The following CNTNAP5 variants were observed in gnomAD, a reference collection of about 807,000 sequenced individuals.
The protein encoded by CNTNAP5 is contactin-associated protein-like 5.
CNTNAP5 carries 72 observed loss-of-function variants against 150.2 expected under a neutral mutation model. The observed-to-expected ratio is 0.48, with a 90% CI of 0.40 to 0.58. The LOEUF is 0.58. Ranked by LOEUF, CNTNAP5 falls within the 20% of genes least tolerant of loss-of-function variation. CNTNAP5 has a pLI of 0.00. For missense variants in CNTNAP5, 1,636 were observed against 1,626.2 expected (o/e 1.01, Z -0.10); for synonymous variants, 672 against 619.8 (o/e 1.08, Z -1.25).
At chr2:124,904,535 G>A (rs1678488017) in intron 22 of CNTNAP5, among the ~76,000 whole-genome samples, 1 of 151,754 alleles carries the variant, frequency 6.6e-6, no homozygotes, top group Admixed American at 6.6e-5. Context: ...CAGACACATA[G>A]ACTAATAGAA....
intron 3 of CNTNAP5, among the ~76,000 whole-genome samples, chr2:124,322,930 G>T (rs1266614739): frequency 2.0e-5 from 3 of 152,140 alleles, no homozygotes; most frequent in African/African-American, 7.2e-5. Flanking sequence ...AATGTGCTCT[G>T]TTCTGTAATA....
At chr2:124,272,740 G>T (rs1022959620) in intron 3 of CNTNAP5, among the ~76,000 whole-genome samples, 29 of 152,094 alleles carry the variant, frequency 1.9e-4, no homozygotes, top group African/African-American at 6.5e-4. Context: ...CTGTTGAAAT[G>T]ATTAAATGTG....
chr2:124,292,183 T>C (rs1014748816), intron 3 of CNTNAP5, among the ~76,000 whole-genome samples: 2 of 152,076 alleles, frequency 1.3e-5, no homozygotes, highest in Middle Eastern at 3.2e-3. Context: ...TTTAGTTTTA[T>C]CTCTCTTTTT....
chr2:124,157,490 ATTCCATCTTTATGG>A (rs972607525), intron 1 of CNTNAP5, among the ~76,000 whole-genome samples: 2 of 152,132 alleles, frequency 1.3e-5, no homozygotes, highest in African/African-American at 4.8e-5. Context: ...CTTTTTCAGT[ATTCCATCTTTATGG>A]TTCCTTTACT....
chr2:124,911,325 T>C, intron 22 of CNTNAP5, 142 bp from the exon 23 acceptor site: 1 of 640,990 alleles, frequency 1.6e-6, no homozygotes, highest in South Asian at 1.8e-5. Context: ...GTTTTTTGAG[T>C]TCCTTGCAAC....
chr2:124,408,608 C>A (rs1231248759), intron 3 of CNTNAP5, among the ~76,000 whole-genome samples: 1 of 151,822 alleles, frequency 6.6e-6, no homozygotes, highest in African/African-American at 2.4e-5. Context: ...TGGGAGGCAC[C>A]CCCCAGCAGG....
At chr2:124,609,437 T>A (rs1432413600) in intron 11 of CNTNAP5, among the ~76,000 whole-genome samples, 2 of 152,108 alleles carry the variant, frequency 1.3e-5, no homozygotes, top group Non-Finnish European at 2.9e-5. Context: ...AACATTTTTT[T>A]AAAAAAATTA....
At chr2:124,379,393 T>C (rs1427555789) in intron 3 of CNTNAP5, among the ~76,000 whole-genome samples, 1 of 152,124 alleles carries the variant, frequency 6.6e-6, no homozygotes, top group East Asian at 1.9e-4. Flanking sequence ...CATAGTTTTG[T>C]CTTTTTCATA....
intron 21 of CNTNAP5, among the ~76,000 whole-genome samples, chr2:124,892,098 C>A (rs1339525398): frequency 2.0e-5 from 3 of 152,124 alleles, no homozygotes; most frequent in Admixed American, 6.6e-5. Flanking sequence ...AGATACCAAC[C>A]TTGGACTGCC....
chr2:124,713,246 T>TTTC, intron 13 of CNTNAP5, among the ~76,000 whole-genome samples: 4 of 66,490 alleles, frequency 6.0e-5, no homozygotes, highest in Admixed American at 2.9e-4. Context: ...TTTCTTTCTC[T>TTTC]TTCTTTCTTT....
intron 1 of CNTNAP5, among the ~76,000 whole-genome samples, chr2:124,131,827 C>T (rs981376222): frequency 6.6e-6 from 1 of 152,106 alleles, no homozygotes; most frequent in African/African-American, 2.4e-5. Flanking sequence ...GAAATAGGCC[C>T]CTTCTCTTAT....
chr2:124,771,428 C>T (rs1681189515), intron 16 of CNTNAP5, among the ~76,000 whole-genome samples: 3 of 152,238 alleles, frequency 2.0e-5, no homozygotes, highest in African/African-American at 7.2e-5. Flanking sequence ...GTGAAGAACC[C>T]TGCCTGTGGA....
Position 124,681,827 on chromosome 2 carries a change from G to C in CNTNAP5, c.2077+33869G>C, listed in dbSNP as rs1044917552. ...TCTGCCCGCCTCGGCCTTCCTAATT[G>C]CTGGGATTGCAGGCATGAACCACCA... On this transcript the variant is annotated intron_variant, in intron 13 of 23. Transcript: ENST00000682447. Among the ~76,000 whole-genome samples the C allele has an allele frequency of 2.0e-5, 3 of 152,132 alleles. No individual in the cohort carries two copies. The South Asian group carries it at 6.2e-4, about 32-fold the overall frequency.
chr2:124,319,460 A>G (rs550596479), intron 3 of CNTNAP5, among the ~76,000 whole-genome samples: 9 of 152,318 alleles, frequency 5.9e-5, no homozygotes, highest in African/African-American at 2.2e-4. Flanking sequence ...GTTGAAAATA[A>G]GTACCTGATT....
chr2:124,892,878 A>G (rs1374661536), intron 21 of CNTNAP5, among the ~76,000 whole-genome samples: 1 of 152,138 alleles, frequency 6.6e-6, no homozygotes, highest in Non-Finnish European at 1.5e-5. Context: ...CTTTTAAAAT[A>G]TAAATATGCT....
rs1031241630 is a variant in CNTNAP5, at chr2:124,792,079, T to C, written c.2992+1938T>C. ...GAACAGAGGGTGGTCTGTTTGGTGA[T>C]TGGGGCAGCCTTCCATGCTATTTAC... On this transcript the variant is annotated intron_variant, in intron 18 of 23. Coordinates refer to ENST00000682447, the MANE Select transcript of CNTNAP5 (RefSeq NM_001367498.1). 2.0e-5 allele frequency among the ~76,000 whole-genome samples: 3 copies of C among 152,062 alleles called. No individual in the cohort carries two copies. The East Asian group carries it at 5.8e-4, about 29-fold the overall frequency.
chr2:124,914,118 A>T lies in CNTNAP5; in HGVS notation c.3754A>T (p.Ile1252Phe), dbSNP rs1558824396. 6.2e-7 allele frequency: 1 copy of T among 1,612,214 alleles called. No individual in the cohort carries two copies. Among genetic ancestry groups the T allele is most frequent in the Non-Finnish European group, 8.5e-7 (1 of 1,178,818 alleles). ...GGTGATAGCAGTGGTGATATTCATCATCTTCTGTATCATCGGCATCATGAC... is the reference window on the plus strand; with the variant it reads ...GGTGATAGCAGTGGTGATATTCATCTTCTTCTGTATCATCGGCATCATGAC... ...GGVIAVVIFI[I>F]FCIIGIMTRF... The change falls in exon 24 of 24, where the codon ATC (isoleucine) becomes TTC (phenylalanine). Residue 1252 changes from isoleucine (I) to phenylalanine (F), a missense_variant. Coordinates refer to ENST00000682447, the MANE Select transcript of CNTNAP5 (RefSeq NM_001367498.1).
chr2:124,121,941 C>A (rs1177958893), intron 1 of CNTNAP5, among the ~76,000 whole-genome samples: 2 of 152,306 alleles, frequency 1.3e-5, no homozygotes, highest in East Asian at 3.9e-4. Context: ...CTATTACCAC[C>A]ATTAATTAGA....
At chr2:124,528,601 A>G (rs1695031614) in intron 10 of CNTNAP5, among the ~76,000 whole-genome samples, 1 of 152,178 alleles carries the variant, frequency 6.6e-6, no homozygotes, top group African/African-American at 2.4e-5. Context: ...CTTACAATTA[A>G]TGGTGTCTTA....
Sources: allele counts gnomAD v4.1 joint callset (sites outside exome capture counted in the v4.1 genomes callset), GRCh38; gene constraint gnomAD v4.1.1; transcripts MANE v1.5; gene names NCBI Gene and HGNC (gene_info 2026-07-23, HGNC 2026-07-21).